The following MSH3 variants were observed in gnomAD, a reference collection of about 807,000 sequenced individuals.
MSH3 encodes mutS homolog 3.
A neutral mutation model predicts 123.3 loss-of-function variants in MSH3; 106 were observed. The observed-to-expected ratio is 0.86, with a 90% CI of 0.73 to 1.01. The LOEUF (loss-of-function observed/expected upper bound fraction) is 1.01. Among genes scored for constraint, MSH3 ranks in the 50% least tolerant of loss-of-function variants. MSH3 has a pLI of 0.00. For missense variants in MSH3, 1,459 were observed against 1,347.6 expected, an observed-to-expected ratio of 1.08 and a Z score of -1.29; for synonymous variants, 515 against 481.4, an observed-to-expected ratio of 1.07 and a Z score of -0.91.
intron 21 of MSH3, among the ~76,000 whole-genome samples, chr5:80,858,700 A>G (rs1474747942): frequency 1.3e-5 from 2 of 152,164 alleles, no homozygotes; most frequent in African/African-American, 4.8e-5. Flanking sequence ...TGAAGTATCT[A>G]TAGATATAAA....
intron 12 of MSH3, among the ~76,000 whole-genome samples, chr5:80,755,612 A>T (rs749735259): frequency 6.6e-6 from 1 of 152,178 alleles, no homozygotes; most frequent in Non-Finnish European, 1.5e-5. Flanking sequence ...CCTTTAGGAC[A>T]TTGCTGAATC....
At position 80,654,794 on chromosome 5, in the gene MSH3, G is replaced by A. The variant is rs1353893324; in HGVS notation, c.67G>A (p.Val23Ile). 1.9e-6 allele frequency: 3 copies of A among 1,607,684 alleles called. No homozygotes were observed. The highest frequency in any genetic ancestry group is 1.1e-5 in the South Asian group (1 of 90,678). The change falls in exon 1 of 24, where the codon GTT becomes ATT. Residue 23 changes from valine (V) to isoleucine (I), a missense_variant. Coordinates refer to ENST00000265081, the MANE Select transcript of MSH3 (RefSeq NM_002439.5). The stretch of plus-strand genomic sequence containing the variant: ...CAGCTCAGCCCCTGCGAGGCAAGCG[G>A]TTTTGAGCCGATTCTTCCAGTCTAC... ...ASSSAPARQAVLSRFFQSTGS... is the reference protein window; with the variant it reads ...ASSSAPARQAILSRFFQSTGS...
At chr5:80,711,368 C>T (rs1234558999) in intron 8 of MSH3, among the ~76,000 whole-genome samples, 1 of 152,202 alleles carries the variant, frequency 6.6e-6, no homozygotes, top group Non-Finnish European at 1.5e-5. Flanking sequence ...TTTTAGTTTT[C>T]AGTCCCTTGT....
At chr5:80,720,183 T>C (rs971443349) in intron 8 of MSH3, among the ~76,000 whole-genome samples, 6 of 152,238 alleles carry the variant, frequency 3.9e-5, no homozygotes, top group African/African-American at 1.4e-4. Flanking sequence ...TGTTTTTCTT[T>C]CTTTTATAAA....
chr5:80,779,213 G>A (rs1446372278), intron 17 of MSH3, among the ~76,000 whole-genome samples: 1 of 151,808 alleles, frequency 6.6e-6, no homozygotes, highest in East Asian at 1.9e-4. Flanking sequence ...GGCTGATGTT[G>A]TACTCCTGAC....
intron 2 of MSH3, among the ~76,000 whole-genome samples, chr5:80,661,022 C>T (rs981140003): frequency 1.3e-5 from 2 of 152,182 alleles, no homozygotes; most frequent in African/African-American, 2.4e-5. Flanking sequence ...TGGTCTTGAA[C>T]TCCTGACCTC....
At chr5:80,664,769 T>C (rs1749527041) in intron 2 of MSH3, among the ~76,000 whole-genome samples, 1 of 152,304 alleles carries the variant, frequency 6.6e-6, no homozygotes, top group Non-Finnish European at 1.5e-5. Context: ...ACTTAGTATT[T>C]AGCTCTCAGG....
intron 21 of MSH3, among the ~76,000 whole-genome samples, chr5:80,856,844 C>T (rs1052602125): frequency 4.5e-4 from 68 of 152,168 alleles, no homozygotes; most frequent in African/African-American, 1.5e-3. Context: ...CATAGGCAGT[C>T]ATGTCAGATA....
intron 16 of MSH3, among the ~76,000 whole-genome samples, chr5:80,777,146 T>C (rs539345730): frequency 1.3e-3 from 203 of 151,974 alleles, no homozygotes; most frequent in African/African-American, 4.6e-3. Context: ...GCCAGGCTGG[T>C]CTCGAACTCA....
chr5:80,792,003 T>C (rs941648349), intron 18 of MSH3, among the ~76,000 whole-genome samples: 6 of 152,196 alleles, frequency 3.9e-5, no homozygotes, highest in Non-Finnish European at 1.5e-5. Context: ...AAAATGATTC[T>C]TGTATCAAAG....
At chr5:80,680,873 A>G (rs970066983) in intron 8 of MSH3, among the ~76,000 whole-genome samples, 6 of 152,152 alleles carry the variant, frequency 3.9e-5, no homozygotes, top group Non-Finnish European at 7.3e-5. Context: ...TAATTTATCC[A>G]TTCCATTTTT....
chr5:80,662,311 A>G (rs1749453926), intron 2 of MSH3, among the ~76,000 whole-genome samples: 1 of 152,210 alleles, frequency 6.6e-6, no homozygotes, highest in Non-Finnish European at 1.5e-5. Flanking sequence ...ATGTGCACAC[A>G]ATGATGAAAT....
In MSH3 at chr5:80,726,615, C is replaced by T. The variant is rs371018104; in HGVS notation, c.1453+1050C>T. ...CCAAGTAGCTGAGACTACAGGCGTGCGCCACCACACCCAGCTAATTTTTGT... is the reference window on the plus strand; with the variant it reads ...CCAAGTAGCTGAGACTACAGGCGTGTGCCACCACACCCAGCTAATTTTTGT... On this transcript the variant is annotated intron_variant, in intron 9 of 23. Coordinates refer to ENST00000265081, the MANE Select transcript of MSH3 (RefSeq NM_002439.5). 1.8e-4 allele frequency among the ~76,000 whole-genome samples: 27 copies of T among 152,184 alleles called. 1 individual carries two copies. The highest frequency in any genetic ancestry group is 4.1e-4 in the African/African-American group (17 of 41,536).
chr5:80,849,638 C>T (rs1033327463), intron 20 of MSH3, among the ~76,000 whole-genome samples: 2 of 152,138 alleles, frequency 1.3e-5, no homozygotes, highest in Non-Finnish European at 2.9e-5. Context: ...ACCTTGGCCC[C>T]TTTTAGTCAT....
At chr5:80,831,206 CCTTGT>C (rs1422740563) in intron 20 of MSH3, among the ~76,000 whole-genome samples, 11 of 152,104 alleles carry the variant, frequency 7.2e-5, no homozygotes, top group African/African-American at 2.2e-4. Flanking sequence ...GTTATTTCTG[CCTTGT>C]CTTAACAGAA....
At chr5:80,824,350 G>T (rs1236233132) in intron 20 of MSH3, among the ~76,000 whole-genome samples, 1 of 150,434 alleles carries the variant, frequency 6.6e-6, no homozygotes, top group Non-Finnish European at 1.5e-5. Flanking sequence ...GGACGGGGCG[G>T]CTGGCCGGGT....
chr5:80,865,090 G>T, intron 22 of MSH3, 148 bp downstream of exon 22: 1 of 838,594 alleles, frequency 1.2e-6, no homozygotes. Context: ...TTTTTGCTAA[G>T]CTTTAGGTCA....
At chr5:80,696,156 G>T (rs1309428937) in intron 8 of MSH3, among the ~76,000 whole-genome samples, 2 of 152,200 alleles carry the variant, frequency 1.3e-5, no homozygotes, top group Admixed American at 6.5e-5. Context: ...AGTGAGAAGG[G>T]AGTCTCAGTA....
intron 20 of MSH3, among the ~76,000 whole-genome samples, chr5:80,846,508 C>G (rs1016723113): frequency 2.0e-5 from 3 of 152,124 alleles, no homozygotes; most frequent in Non-Finnish European, 4.4e-5. Flanking sequence ...GCCCTGCCCC[C>G]AGAGGTGGAA....
Sources: gnomAD v4.1 joint callset for allele counts (sites outside exome capture counted in the v4.1 genomes callset) on GRCh38, gnomAD v4.1.1 for gene constraint, MANE v1.5 for transcripts, NCBI Gene and HGNC (gene_info 2026-07-23, HGNC 2026-07-21) for gene names.